ZNF385D: variants seen among roughly 807,000 people sequenced by gnomAD.
The protein encoded by ZNF385D is zinc finger protein 659.
Under a neutral mutation model 35.8 loss-of-function variants are expected in ZNF385D, and 15 were observed. The observed-to-expected ratio is 0.42, with a 90% CI of 0.28 to 0.64. The LOEUF is 0.64. Among genes scored for constraint, ZNF385D ranks in the 30% least tolerant of loss-of-function variants. The pLI, the probability that ZNF385D is intolerant of heterozygous loss-of-function variation, is 0.23. For missense variants in ZNF385D, 474 were observed against 494.6 expected (o/e 0.96, Z 0.39); for synonymous variants, 212 against 186.8 (o/e 1.13, Z -1.10).
chr3:22,186,584 G>T (rs561618360), intron 2 of ZNF385D, among the ~76,000 whole-genome samples: 3 of 152,188 alleles, frequency 2.0e-5, no homozygotes, highest in African/African-American at 7.2e-5. Flanking sequence ...GCAACCTTCT[G>T]ATTTTGATCT....
At chr3:21,488,831 C>T (rs76606459) in intron 4 of ZNF385D, among the ~76,000 whole-genome samples, 1 of 152,058 alleles carries the variant, frequency 6.6e-6, no homozygotes, top group Admixed American at 6.6e-5. Flanking sequence ...AGTTTCAGCT[C>T]TCTGGAAGGA....
intron 1 of ZNF385D, among the ~76,000 whole-genome samples, chr3:21,721,012 T>C (rs2068517534): frequency 6.6e-6 from 1 of 152,238 alleles, no homozygotes; most frequent in Admixed American, 6.5e-5. Context: ...GAATTTCTTC[T>C]ATTTAATTTT....
intron 3 of ZNF385D, among the ~76,000 whole-genome samples, chr3:21,812,104 A>G (rs1278557025): frequency 6.6e-6 from 1 of 152,264 alleles, no homozygotes; most frequent in Non-Finnish European, 1.5e-5. Flanking sequence ...CCAAAAAGAT[A>G]TAATTGGTCA....
intron 3 of ZNF385D, among the ~76,000 whole-genome samples, chr3:21,935,323 C>T (rs1701206908): frequency 6.6e-6 from 1 of 152,120 alleles, no homozygotes; most frequent in Non-Finnish European, 1.5e-5. Flanking sequence ...TTCTGCAGCA[C>T]TTACTAAGCA....
intron 2 of ZNF385D, among the ~76,000 whole-genome samples, chr3:21,643,984 A>G (rs1220721313): frequency 2.0e-5 from 3 of 152,104 alleles, no homozygotes; most frequent in Non-Finnish European, 4.4e-5. Context: ...GTACAAACAG[A>G]AAAGGACAAA....
chr3:22,057,887 T>A (rs547074823), intron 3 of ZNF385D, among the ~76,000 whole-genome samples: 1 of 152,164 alleles, frequency 6.6e-6, no homozygotes, highest in Admixed American at 6.6e-5. Flanking sequence ...AATAGGTAAA[T>A]TGAAATAAAG....
intron 3 of ZNF385D, among the ~76,000 whole-genome samples, chr3:21,941,430 C>T (rs1264977656): frequency 6.6e-6 from 1 of 150,956 alleles, no homozygotes; most frequent in African/African-American, 2.4e-5. Context: ...AATGATCTAC[C>T]AAGTATAGTG....
At chr3:22,181,089 A>G (rs558634550) in intron 2 of ZNF385D, among the ~76,000 whole-genome samples, 2 of 151,870 alleles carry the variant, frequency 1.3e-5, no homozygotes, top group South Asian at 2.1e-4. Flanking sequence ...AGACTTTCTT[A>G]TATTATCTGC....
intron 3 of ZNF385D, among the ~76,000 whole-genome samples, chr3:22,059,482 A>T (rs1416264832): frequency 6.6e-6 from 1 of 152,188 alleles, no homozygotes; most frequent in Non-Finnish European, 1.5e-5. Context: ...TCCCAAAATA[A>T]GATAAGCGAT....
intron 4 of ZNF385D, among the ~76,000 whole-genome samples, chr3:21,470,722 C>A (rs537708678): frequency 6.6e-6 from 1 of 152,026 alleles, no homozygotes; most frequent in East Asian, 1.9e-4. Flanking sequence ...TTCAGGCAGA[C>A]GTGTCCTCTA....
intron 3 of ZNF385D, among the ~76,000 whole-genome samples, chr3:22,079,574 C>T (rs936724084): frequency 2.0e-5 from 3 of 151,886 alleles, no homozygotes; most frequent in African/African-American, 7.2e-5. Context: ...TTTCGCAAAG[C>T]AGGTCAGAGC....
At chr3:21,861,771 C>G (rs990042955) in intron 3 of ZNF385D, among the ~76,000 whole-genome samples, 2 of 152,108 alleles carry the variant, frequency 1.3e-5, no homozygotes, top group African/African-American at 4.8e-5. Context: ...TTGTCTTACC[C>G]AATCAGGGCA....
intron 3 of ZNF385D, among the ~76,000 whole-genome samples, chr3:21,547,917 ACTT>A (rs1339216107): frequency 1.3e-5 from 2 of 151,972 alleles, no homozygotes; most frequent in Non-Finnish European, 2.9e-5. Flanking sequence ...GGCCACACGT[ACTT>A]CTTTAGATGG....
chr3:21,860,928 C>G (rs1442441827), intron 3 of ZNF385D, among the ~76,000 whole-genome samples: 6 of 152,022 alleles, frequency 3.9e-5, no homozygotes, highest in South Asian at 4.1e-4. Flanking sequence ...ATTTAGTTGC[C>G]CTGATTTCTT....
At chr3:21,866,656 G>A (rs1011068557) in intron 3 of ZNF385D, among the ~76,000 whole-genome samples, 2 of 152,116 alleles carry the variant, frequency 1.3e-5, no homozygotes, top group African/African-American at 4.8e-5. Context: ...TGATGCTGCT[G>A]GTCCTACCAC....
intron 3 of ZNF385D, among the ~76,000 whole-genome samples, chr3:21,786,326 G>A (rs533644355): frequency 1.3e-5 from 2 of 152,202 alleles, no homozygotes; most frequent in East Asian, 1.9e-4. Flanking sequence ...GTTTTTGACC[G>A]TCCCAGTCCA....
At chr3:22,083,819 G>A (rs922579029) in intron 3 of ZNF385D, among the ~76,000 whole-genome samples, 1 of 152,122 alleles carries the variant, frequency 6.6e-6, no homozygotes, top group Non-Finnish European at 1.5e-5. Context: ...AAAATGTTAA[G>A]GGCAGCCAGA....
At chr3:21,493,212 C>A (rs1705564254) in intron 4 of ZNF385D, among the ~76,000 whole-genome samples, 1 of 151,934 alleles carries the variant, frequency 6.6e-6, no homozygotes, top group Admixed American at 6.6e-5. Flanking sequence ...TGCTAAGTCA[C>A]CAACATATTT....
At chr3:22,247,454 A>G (rs1194571974) in intron 2 of ZNF385D, among the ~76,000 whole-genome samples, 2 of 152,024 alleles carry the variant, frequency 1.3e-5, no homozygotes, top group African/African-American at 2.4e-5. Flanking sequence ...TTATGCCATG[A>G]AAATTATGAG....
Sources: allele counts gnomAD v4.1 joint callset (sites outside exome capture counted in the v4.1 genomes callset), GRCh38; gene constraint gnomAD v4.1.1; transcripts MANE v1.5; gene names NCBI Gene and HGNC (gene_info 2026-07-23, HGNC 2026-07-21).